The following SCMH1 variants were observed in gnomAD, a reference collection of about 807,000 sequenced individuals.
SCMH1 encodes polycomb protein SCMH1.
SCMH1 carries 37 observed loss-of-function variants against 70.8 expected under a neutral mutation model. The ratio of observed to expected loss-of-function variants is 0.52; its 90% CI spans 0.40 to 0.69. The LOEUF is 0.69. Among genes scored for constraint, SCMH1 ranks in the 30% least tolerant of loss-of-function variants. The pLI, the probability that SCMH1 is intolerant of heterozygous loss-of-function variation, is 0.00. For synonymous variants in SCMH1, 292 were observed against 307.4 expected (o/e 0.95, Z 0.52); for missense variants, 607 against 827.3 (o/e 0.73, Z 3.27).
At chr1:41,057,205 T>TC (rs974754009) in intron 10 of SCMH1, among the ~76,000 whole-genome samples, 21 of 152,148 alleles carry the variant, frequency 1.4e-4, no homozygotes, top group African/African-American at 5.1e-4. Flanking sequence ...GTAGAATGCT[T>TC]CCCATCGCTC....
At chr1:41,230,173 C>T (rs929661353) in intron 1 of SCMH1, among the ~76,000 whole-genome samples, 14 of 151,998 alleles carry the variant, frequency 9.2e-5, no homozygotes, top group African/African-American at 1.5e-4. Flanking sequence ...CTGTGGTGAC[C>T]GCATTGGTGG....
intron 1 of SCMH1, among the ~76,000 whole-genome samples, chr1:41,199,941 T>C (rs1653908880): frequency 1.3e-5 from 2 of 152,216 alleles, no homozygotes; most frequent in Non-Finnish European, 2.9e-5. Context: ...TATGCCTGCC[T>C]AGTATAGTTT....
At chr1:41,190,981 C>T (rs1398554920) in intron 1 of SCMH1, among the ~76,000 whole-genome samples, 1 of 152,182 alleles carries the variant, frequency 6.6e-6, no homozygotes, top group Non-Finnish European at 1.5e-5. Context: ...CTCACGCAAT[C>T]CTCCCACCTC....
chr1:41,103,717 G>A (rs756254064), intron 8 of SCMH1, among the ~76,000 whole-genome samples: 4 of 152,218 alleles, frequency 2.6e-5, no homozygotes, highest in African/African-American at 4.8e-5. Context: ...TATACATGTC[G>A]AAAACTGCTA....
At chr1:41,191,984 A>G (rs1290703527) in intron 1 of SCMH1, among the ~76,000 whole-genome samples, 3 of 152,190 alleles carry the variant, frequency 2.0e-5, no homozygotes, top group Non-Finnish European at 2.9e-5. Flanking sequence ...TGGATATACC[A>G]GCTCTTCAAG....
chr1:41,068,423 T>TGA (rs1571748564), intron 10 of SCMH1, among the ~76,000 whole-genome samples: 1 of 152,168 alleles, frequency 6.6e-6, no homozygotes. Flanking sequence ...TTTTTTCTTT[T>TGA]GAGAGAGAGT....
intron 6 of SCMH1, among the ~76,000 whole-genome samples, chr1:41,142,154 TTAAA>T (rs1353603452): frequency 6.6e-6 from 1 of 152,110 alleles, no homozygotes; most frequent in Non-Finnish European, 1.5e-5. Context: ...GGGGAAAACG[TTAAA>T]TAAGTACCTA....
chr1:41,104,457 C>T (rs1215514284), intron 8 of SCMH1, among the ~76,000 whole-genome samples: 1 of 152,088 alleles, frequency 6.6e-6, no homozygotes, highest in Non-Finnish European at 1.5e-5. Flanking sequence ...TCATTAAAGG[C>T]ACCAAAAAGT....
At chr1:41,060,712 G>C (rs888393592) in intron 10 of SCMH1, among the ~76,000 whole-genome samples, 1 of 151,976 alleles carries the variant, frequency 6.6e-6, no homozygotes, top group African/African-American at 2.4e-5. Flanking sequence ...TGGTACTATC[G>C]TAACTCACTG....
intron 10 of SCMH1, among the ~76,000 whole-genome samples, chr1:41,064,792 G>A (rs1654005400): frequency 6.6e-6 from 1 of 151,982 alleles, no homozygotes; most frequent in Non-Finnish European, 1.5e-5. Flanking sequence ...ATGGTGGCAT[G>A]TCTGTAGTTC....
In SCMH1 at chr1:41,150,501, TCAAAACAAAA is replaced by T. The variant is rs781078786; in HGVS notation, c.177+1103_177+1112del. Among the ~76,000 whole-genome samples the T allele has an allele frequency of 2.0e-5, 3 of 152,274 alleles. No homozygotes were observed. The South Asian group carries it at 6.2e-4, about 32-fold the overall frequency. On this transcript the variant is annotated intron_variant, in intron 5 of 14. Coordinates refer to ENST00000337495, the Ensembl canonical transcript of SCMH1. ...CTGGGTGACAGAGCGAGACTCTGTC[TCAAAACAAAA>T]CAAAACAAAACAAACCATTATTAAC...
intron 2 of SCMH1, among the ~76,000 whole-genome samples, chr1:41,178,368 G>A (rs1300108152): frequency 2.6e-5 from 4 of 152,114 alleles, no homozygotes; most frequent in Non-Finnish European, 4.4e-5. Flanking sequence ...ATAATGACAG[G>A]ATCAAATTCA....
At chr1:41,060,048 AT>A (rs1369552361) in intron 10 of SCMH1, among the ~76,000 whole-genome samples, 2 of 152,134 alleles carry the variant, frequency 1.3e-5, no homozygotes, top group Non-Finnish European at 2.9e-5. Flanking sequence ...GAACTGTGGG[AT>A]AACTATAACA....
intron 10 of SCMH1, among the ~76,000 whole-genome samples, chr1:41,058,291 T>C (rs746457733): frequency 6.6e-6 from 1 of 150,880 alleles, no homozygotes; most frequent in African/African-American, 2.4e-5. Flanking sequence ...CTTTGGAGTA[T>C]GTCTGGGGAA....
At chr1:41,176,189 C>CAAAAAAAAAACAAAAAAAAA (rs1647115493) in intron 2 of SCMH1, among the ~76,000 whole-genome samples, 4 of 109,954 alleles carry the variant, frequency 3.6e-5, no homozygotes, top group Non-Finnish European at 3.7e-5. Context: ...CCAAAAAAAA[C>CAAAAAAAAAACAAAAAAAAA]AAAAAAAAAA....
At chr1:41,107,014 T>A (rs1289568083) in intron 8 of SCMH1, among the ~76,000 whole-genome samples, 1 of 151,118 alleles carries the variant, frequency 6.6e-6, no homozygotes, top group African/African-American at 2.5e-5. Context: ...TCCTTGACCA[T>A]ACTTTTTTTT....
At chr1:41,132,462 T>C (rs1307065078) in intron 6 of SCMH1, among the ~76,000 whole-genome samples, 1 of 152,190 alleles carries the variant, frequency 6.6e-6, no homozygotes, top group Non-Finnish European at 1.5e-5. Context: ...GTCAGATGGG[T>C]AGATTGCAAA....
intron 6 of SCMH1, among the ~76,000 whole-genome samples, chr1:41,131,095 G>A (rs935823216): frequency 2.0e-5 from 3 of 152,038 alleles, no homozygotes; most frequent in Non-Finnish European, 1.5e-5. Flanking sequence ...ATAGAGGTAG[G>A]GTCCAACTTC....
At chr1:41,029,336 C>T (rs1644193209) in intron 13 of SCMH1, among the ~76,000 whole-genome samples, 1 of 152,170 alleles carries the variant, frequency 6.6e-6, no homozygotes, top group South Asian at 2.1e-4. Flanking sequence ...CCTCAGCCTC[C>T]TGAGTAGTTG....
Sources: allele counts gnomAD v4.1 joint callset (sites outside exome capture counted in the v4.1 genomes callset), GRCh38; gene constraint gnomAD v4.1.1; transcripts MANE v1.5; gene names NCBI Gene and HGNC (gene_info 2026-07-23, HGNC 2026-07-21).